The following PRKDC variants were observed in gnomAD, a reference collection of about 807,000 sequenced individuals.
PRKDC encodes protein kinase, DNA-activated, catalytic subunit.
In PRKDC, 82 loss-of-function variants were observed where a neutral mutation model predicts 486.9. The ratio of observed to expected loss-of-function variants is 0.17; its 90% confidence interval spans 0.14 to 0.20. The LOEUF (loss-of-function observed/expected upper bound fraction) is 0.20. Among genes scored for constraint, PRKDC ranks in the 10% least tolerant of loss-of-function variants. The pLI is 1.00. For synonymous variants in PRKDC, 1,895 were observed against 1,837.0 expected (o/e 1.03, Z -0.81); for missense variants, 4,504 against 5,038.2 (o/e 0.89, Z 3.21).
rs762162685 is a variant in PRKDC at position 47,859,568 on chromosome 8, AC to A, written c.6207+42del. Reference sequence around the variant, plus strand: ...GGCATAGCTGTGACCCCCTTTCTTCACAAACATCGACAATATTCTTTTAGTA... The same window carrying A: ...GGCATAGCTGTGACCCCCTTTCTTCAAAACATCGACAATATTCTTTTAGTA... On this transcript the variant is annotated intron_variant, in intron 46 of 85. Coordinates refer to ENST00000314191, the MANE Select transcript of PRKDC (RefSeq NM_006904.7). 2.5e-6 allele frequency: 4 copies of A among 1,589,714 alleles called. No individual in the cohort carries two copies. The South Asian group carries it at 4.6e-5, about 18-fold the overall frequency.
rs1487112688 is a variant in PRKDC at position 47,864,696 on chromosome 8, G to A, written c.5431C>T (p.Arg1811Cys). ...AAGGACTGGCGTGTGAAACTTAGGC[G>A]GGGGTCATCCTTCCTGAACATTTCA... ...VYEMFRKDDPRLSFTRQSFVD... is the reference protein window; with the variant it reads ...VYEMFRKDDPCLSFTRQSFVD... Residue 1811 changes from arginine (R) to cysteine (C), a missense_variant, in exon 41 of 86, where the codon CGC (arginine) becomes TGC (cysteine). Arg to Cys is a radical substitution (Grantham distance 180, BLOSUM62 -3). Coordinates refer to ENST00000314191, the MANE Select transcript of PRKDC (RefSeq NM_006904.7). 2.5e-6 allele frequency: 4 copies of A among 1,607,384 alleles called. No individual in the cohort carries two copies. Among genetic ancestry groups the A allele is most frequent in the Admixed American group, 1.7e-5 (1 of 58,986 alleles).
At chr8:47,793,263 A>C (rs1255095639) in intron 74 of PRKDC, among the ~76,000 whole-genome samples, 1 of 152,166 alleles carries the variant, frequency 6.6e-6, no homozygotes, top group African/African-American at 2.4e-5. Context: ...CTGTTCAGAG[A>C]AACAGTATGG....
At chr8:47,823,023 G>T (rs911824554) in intron 64 of PRKDC, among the ~76,000 whole-genome samples, 2 of 151,992 alleles carry the variant, frequency 1.3e-5, no homozygotes, top group East Asian at 3.9e-4. Context: ...AGAGGTGTTT[G>T]GATCAATGGG....
At chr8:47,822,991 A>G (rs1016202608) in intron 64 of PRKDC, among the ~76,000 whole-genome samples, 5 of 152,072 alleles carry the variant, frequency 3.3e-5, no homozygotes, top group South Asian at 2.1e-4. Context: ...GTAATCCTCA[A>G]TGTCAGAGGT....
chr8:47,887,469 A>T (rs2089362283), intron 35 of PRKDC, 78 bp downstream of exon 35: 1 of 1,308,332 alleles, frequency 7.6e-7, no homozygotes, highest in Non-Finnish European at 9.9e-7. Context: ...CAAATTCCAC[A>T]GTTTCTAGAG....
intron 4 of PRKDC, among the ~76,000 whole-genome samples, chr8:47,955,411 G>C (rs1279751625): frequency 1.4e-4 from 18 of 129,986 alleles, no homozygotes; most frequent in African/African-American, 5.3e-4. Context: ...GCAGTGAGCC[G>C]AGATCCCGCC....
intron 68 of PRKDC, among the ~76,000 whole-genome samples, chr8:47,815,747 C>T (rs2087429429): frequency 6.6e-6 from 1 of 152,150 alleles, no homozygotes. Flanking sequence ...CCATTATTGT[C>T]AACACTGGTT....
chr8:47,775,838 T>C lies in PRKDC; in HGVS notation c.12182+1006A>G, dbSNP rs972140161. On this transcript the variant is annotated intron_variant, in intron 85 of 85. Coordinates refer to ENST00000314191, the MANE Select transcript of PRKDC (RefSeq NM_006904.7). ...CTCCTATTCCTTTTTTTTTTTTTTT[T>C]CTGAGGCAGAGTCTCACTTTGTCGC... Among the ~76,000 whole-genome samples the C allele has an allele frequency of 4.0e-5, 6 of 151,568 alleles. No homozygotes were observed. In the South Asian group the frequency reaches 8.4e-4, roughly 21 times the overall value.
intron 25 of PRKDC, among the ~76,000 whole-genome samples, chr8:47,905,788 A>T (rs1218682497): frequency 6.6e-6 from 1 of 152,190 alleles, no homozygotes; most frequent in East Asian, 1.9e-4. Flanking sequence ...ATCTTCTGGA[A>T]CATAAATAAA....
At chr8:47,828,772 T>A (rs1384226116) in intron 61 of PRKDC, among the ~76,000 whole-genome samples, 2 of 152,222 alleles carry the variant, frequency 1.3e-5, no homozygotes, top group Non-Finnish European at 2.9e-5. Context: ...TGTTTAGGTA[T>A]TTTTCTCCTA....
chr8:47,775,551 T>C (rs989003982), intron 85 of PRKDC, among the ~76,000 whole-genome samples: 1 of 151,230 alleles, frequency 6.6e-6, no homozygotes, highest in Non-Finnish European at 1.5e-5. Flanking sequence ...CCATTTTTAA[T>C]TGGGTTATCT....
In PRKDC at chr8:47,860,853, A is replaced by T. The variant is rs897518253; in HGVS notation, c.6058+46T>A. The T allele has an allele frequency of 2.1e-6, 3 of 1,443,504 alleles. No individual in the cohort carries two copies. In the East Asian group the frequency reaches 6.9e-5, roughly 33 times the overall value. The allele number at this position is 1,443,504 out of a possible 1,614,324, so 89.4% of individuals were successfully genotyped here. A position where few individuals can be genotyped will look rare whatever the true frequency, so the allele number is the denominator to read the frequency against. On this transcript the variant is annotated intron_variant, in intron 45 of 85. Transcript: ENST00000314191. ...GTCTTAGAACAAAACAAAACAAAAT[A>T]ACCCATCGATTTGAATCCTTTCTCA...
At position 47,939,622 on chromosome 8, in the gene PRKDC, T is replaced by G. The variant is rs1415006422; in HGVS notation, c.1042A>C (p.Ile348Leu). 5 of 1,613,570 alleles carry G rather than the reference T, an allele frequency of 3.1e-6. No homozygotes were observed. Among genetic ancestry groups the G allele is most frequent in the Middle Eastern group, 1.7e-4 (1 of 6,060 alleles). The change falls in exon 11 of 86, where the codon ATC becomes CTC. Residue 348 changes from isoleucine (I) to leucine (L), a missense_variant. This residue lies in a region of PRKDC where 1,969 missense variants were observed against 2,068.9 expected (regional missense o/e 0.95). Coordinates refer to ENST00000314191, the MANE Select transcript of PRKDC (RefSeq NM_006904.7). ...TTGTTCGAATCCACATTTCTGATGA[T>G]TCCATAAAACTGCTCCATAAAGTAC... ...LQYFMEQFYGIIRNVDSNNKE... is the reference protein window; with the variant it reads ...LQYFMEQFYGLIRNVDSNNKE...
rs557658580 is a variant in PRKDC, at chr8:47,834,091, C to T, written c.8152+105G>A. 314 of 1,408,606 alleles carry T rather than the reference C, an allele frequency of 2.2e-4. 1 individual carries two copies. The highest frequency in any genetic ancestry group is 2.1e-3 in the African/African-American group (151 of 70,352). The allele number at this position is 1,408,606 out of a possible 1,614,324, so 87.3% of individuals were successfully genotyped here. A position where few individuals can be genotyped will look rare whatever the true frequency, so the allele number is the denominator to read the frequency against. ...AACTGAATTTTAAAGGGCTTGATTA[C>T]GAATGAGAAGGAAACATGGATACAG... On this transcript the variant is annotated intron_variant, in intron 59 of 85. Transcript: ENST00000314191.
At chr8:47,804,497 G>A (rs1028073399) in intron 69 of PRKDC, among the ~76,000 whole-genome samples, 3 of 151,666 alleles carry the variant, frequency 2.0e-5, no homozygotes, top group African/African-American at 4.8e-5. Flanking sequence ...ATGGAGTTTC[G>A]CCATGTTGGC....
intron 19 of PRKDC, among the ~76,000 whole-genome samples, chr8:47,928,397 C>A (rs997093988): frequency 4.6e-5 from 7 of 152,038 alleles, no homozygotes; most frequent in Non-Finnish European, 7.4e-5. Flanking sequence ...AAGTGATCCA[C>A]CCACCTTGGC....
rs1190164454 is a variant in PRKDC, at chr8:47,939,811, G to A, written c.967-114C>T. 20 of 930,634 alleles carry A rather than the reference G, an allele frequency of 2.1e-5. 1 individual carries two copies. The highest frequency in any genetic ancestry group is 1.9e-4 in the East Asian group (7 of 35,938). The allele number at this position is 930,634 out of a possible 1,614,324, so 57.6% of individuals were successfully genotyped here. On this transcript the variant is annotated intron_variant, in intron 10 of 85. Coordinates refer to ENST00000314191, the MANE Select transcript of PRKDC (RefSeq NM_006904.7). The stretch of plus-strand genomic sequence containing the variant: ...TACTAATGTACTGTTATAGTTACAC[G>A]CAATTGCTTTTAATCATAAAGACCC...
chr8:47,888,416 G>T, intron 34 of PRKDC, 102 bp downstream of exon 34: 2 of 1,001,908 alleles, frequency 2.0e-6, no homozygotes, highest in Non-Finnish European at 2.7e-6. Context: ...TCCCATTTCA[G>T]CATGCTCAAT....
At chr8:47,785,564 A>G (rs2086776865) in intron 76 of PRKDC, among the ~76,000 whole-genome samples, 1 of 151,752 alleles carries the variant, frequency 6.6e-6, no homozygotes, top group Non-Finnish European at 1.5e-5. Context: ...CAAGACCCCA[A>G]CTCTACAAAA....
Sources: gnomAD v4.1 joint callset for allele counts (sites outside exome capture counted in the v4.1 genomes callset) on GRCh38, gnomAD v4.1.1 for gene constraint, gnomAD v4.1.1 regional missense constraint, MANE v1.5 for transcripts, NCBI Gene and HGNC (gene_info 2026-07-23, HGNC 2026-07-21) for gene names.